The following PPP2R2B variants were observed in gnomAD, a reference collection of about 807,000 sequenced individuals.
PPP2R2B encodes serine/threonine-protein phosphatase 2A 55 kDa regulatory subunit B beta isoform.
In PPP2R2B, 5 loss-of-function variants were observed where a neutral mutation model predicts 46.0. That is an observed-to-expected ratio of 0.11 (90% confidence interval 0.06 to 0.23). PPP2R2B has a LOEUF of 0.23. PPP2R2B is among the 10% of genes least tolerant of loss of function. The pLI is 1.00. For missense variants in PPP2R2B, 367 were observed against 575.0 expected, an observed-to-expected ratio of 0.64 and a Z score of 3.70; for synonymous variants, 215 against 206.7, an observed-to-expected ratio of 1.04 and a Z score of -0.34.
In PPP2R2B at chr5:146,587,302, T is replaced by C. The variant is rs1206200985; in HGVS notation, c.*2645A>G. Reference sequence around the variant, plus strand: ...TTATTGCTCCCTGAGGCCTAATCTCTAGGGCTTTCCCCTCCTGTTCCCGTC... The same window carrying C: ...TTATTGCTCCCTGAGGCCTAATCTCCAGGGCTTTCCCCTCCTGTTCCCGTC... On this transcript the variant is annotated 3_prime_UTR_variant, in exon 10 of 10. Coordinates refer to ENST00000394411, the MANE Select transcript of PPP2R2B (RefSeq NM_181675.4). 2.0e-5 allele frequency: 3 copies of C among 152,264 alleles called. No individual in the cohort carries two copies. The highest frequency in any genetic ancestry group is 7.2e-5 in the African/African-American group (3 of 41,466). 9.4% of individuals were successfully genotyped at this position (152,264 alleles called of 1,614,324 possible).
At chr5:146,628,676 C>T (rs541947886) in intron 7 of PPP2R2B, among the ~76,000 whole-genome samples, 4 of 152,332 alleles carry the variant, frequency 2.6e-5, no homozygotes, top group Non-Finnish European at 4.4e-5. Flanking sequence ...AGAACCTACC[C>T]TGTGCCACCA....
chr5:146,826,909 T>C (rs1360810962), intron 2 of PPP2R2B, among the ~76,000 whole-genome samples: 1 of 152,208 alleles, frequency 6.6e-6, no homozygotes, highest in Non-Finnish European at 1.5e-5. Flanking sequence ...CCTTGCTATC[T>C]AACTTATATT....
Position 146,588,086 on chromosome 5 carries a change from A to G in PPP2R2B, c.*1861T>C, listed in dbSNP as rs549292353. The G allele has an allele frequency of 2.2e-5, 3 of 138,842 alleles. No individual in the cohort carries two copies. In the East Asian group the frequency reaches 6.3e-4, roughly 29 times the overall value. 8.6% of individuals were successfully genotyped at this position (138,842 alleles called of 1,614,324 possible). ...ATGTCTCCTCCAAGAACACTGTCCC[A>G]GTCAGGACAGAAATCTTGCCCAGAG... On this transcript the variant is annotated 3_prime_UTR_variant, in exon 10 of 10. Coordinates refer to ENST00000394411, the MANE Select transcript of PPP2R2B (RefSeq NM_181675.4).
intron 7 of PPP2R2B, among the ~76,000 whole-genome samples, chr5:146,608,596 A>G (rs549801270): frequency 2.3e-4 from 35 of 152,300 alleles, no homozygotes; most frequent in African/African-American, 7.0e-4. Context: ...GGAGCTCGAG[A>G]CCAACCTGGC....
intron 2 of PPP2R2B, among the ~76,000 whole-genome samples, chr5:146,713,291 CA>C (rs1164614616): frequency 6.6e-6 from 1 of 152,046 alleles, no homozygotes; most frequent in Non-Finnish European, 1.5e-5. Context: ...TAGAGCAGAA[CA>C]AACAAGGGGT....
At chr5:146,720,688 T>C (rs1471330223) in intron 2 of PPP2R2B, among the ~76,000 whole-genome samples, 1 of 152,162 alleles carries the variant, frequency 6.6e-6, no homozygotes, top group African/African-American at 2.4e-5. Flanking sequence ...TTTATTAAGG[T>C]TTTATTAAGG....
intron 1 of PPP2R2B, among the ~76,000 whole-genome samples, chr5:147,046,924 T>G (rs1756571271): frequency 6.6e-6 from 1 of 152,078 alleles, no homozygotes; most frequent in Admixed American, 6.6e-5. Context: ...CACTCCCAGC[T>G]TCTGATTTAA....
At chr5:146,872,182 C>T (rs1328728947) in intron 2 of PPP2R2B, among the ~76,000 whole-genome samples, 5 of 152,140 alleles carry the variant, frequency 3.3e-5, no homozygotes, top group Non-Finnish European at 7.3e-5. Flanking sequence ...TCATAAAGGG[C>T]TTGGGATTGC....
intron 1 of PPP2R2B, among the ~76,000 whole-genome samples, chr5:147,027,816 A>G (rs1005758292): frequency 1.3e-5 from 2 of 152,172 alleles, no homozygotes; most frequent in African/African-American, 4.8e-5. Context: ...TTTATTGCAT[A>G]TAAATTATGT....
chr5:146,592,467 C>T (rs902860430), intron 9 of PPP2R2B, among the ~76,000 whole-genome samples: 9 of 152,158 alleles, frequency 5.9e-5, no homozygotes, highest in African/African-American at 1.2e-4. Flanking sequence ...TTATGAAGCA[C>T]TGTTCAAATC....
At chr5:146,727,953 A>G (rs1406881988) in intron 2 of PPP2R2B, among the ~76,000 whole-genome samples, 1 of 152,018 alleles carries the variant, frequency 6.6e-6, no homozygotes, top group African/African-American at 2.4e-5. Flanking sequence ...GATTCCACAT[A>G]TAAGTGAGAT....
rs1370475103 is a variant in PPP2R2B, at chr5:146,583,119, T to A, written c.*6828A>T. ...TTTTGCCTCCACTGTCCTATCCTGA[T>A]GTCTGGAATATGCTTTTCCTTTCTC... On this transcript the variant is annotated 3_prime_UTR_variant, in exon 10 of 10. Transcript: ENST00000394411. The A allele has an allele frequency of 6.6e-6, 1 of 152,212 alleles. No individual in the cohort carries two copies. The highest frequency in any genetic ancestry group is 1.5e-5 in the Non-Finnish European group (1 of 68,064). The allele number at this position is 152,212 out of a possible 1,614,324, so 9.4% of individuals were successfully genotyped here.
At chr5:146,655,926 C>G (rs1776299173) in intron 5 of PPP2R2B, among the ~76,000 whole-genome samples, 1 of 151,904 alleles carries the variant, frequency 6.6e-6, no homozygotes, top group African/African-American at 2.4e-5. Context: ...GGGGAGGGAA[C>G]TGGGCTTCAG....
chr5:147,073,715 C>T (rs1038335781), intron 2 of PPP2R2B, among the ~76,000 whole-genome samples: 15 of 152,162 alleles, frequency 9.9e-5, no homozygotes, highest in African/African-American at 3.6e-4. Flanking sequence ...AATAGAATTT[C>T]TCAATGTGTC....
intron 1 of PPP2R2B, among the ~76,000 whole-genome samples, chr5:147,019,275 G>A (rs1755148777): frequency 6.6e-6 from 1 of 152,144 alleles, no homozygotes; most frequent in Admixed American, 6.6e-5. Context: ...AACAGTAGCT[G>A]TTTGAAGATA....
At chr5:146,706,621 C>T (rs1278625889) in intron 2 of PPP2R2B, 5 of 805,666 alleles carry the variant, frequency 6.2e-6, no homozygotes, top group Admixed American at 1.8e-5. Flanking sequence ...TCCGCATCTG[C>T]GATGCCGGCC....
chr5:146,726,601 G>A (rs1024318811), intron 2 of PPP2R2B, among the ~76,000 whole-genome samples: 1 of 152,122 alleles, frequency 6.6e-6, no homozygotes, highest in Non-Finnish European at 1.5e-5. Context: ...TTGAGACTTT[G>A]AAAGGCTAGG....
At chr5:146,732,839 G>T (rs1752312457) in intron 2 of PPP2R2B, among the ~76,000 whole-genome samples, 1 of 152,184 alleles carries the variant, frequency 6.6e-6, no homozygotes, top group East Asian at 1.9e-4. Flanking sequence ...CCTCCATATA[G>T]ACTGTAGCTG....
At chr5:146,971,860 G>T (rs907804470) in intron 1 of PPP2R2B, among the ~76,000 whole-genome samples, 3 of 152,110 alleles carry the variant, frequency 2.0e-5, no homozygotes, top group Admixed American at 6.5e-5. Context: ...AAGATAGTAT[G>T]GAAAATCCCT....
Sources: gnomAD v4.1 joint callset for allele counts (sites outside exome capture counted in the v4.1 genomes callset) on GRCh38, gnomAD v4.1.1 for gene constraint, MANE v1.5 for transcripts, NCBI Gene and HGNC (gene_info 2026-07-23, HGNC 2026-07-21) for gene names.